Variants in PACRG observed in about 807,000 individuals in gnomAD.
PACRG encodes the protein parkin coregulated gene protein.
PACRG carries 29 observed loss-of-function variants against 29.7 expected under a neutral mutation model. The observed-to-expected ratio is 0.98, with a 90% confidence interval of 0.73 to 1.33. PACRG has a LOEUF of 1.33. Ranked by LOEUF, PACRG falls within the 40% of genes most tolerant of loss-of-function variation. PACRG has a pLI of 0.00. For synonymous variants in PACRG, 116 were observed against 118.7 expected, an observed-to-expected ratio of 0.98 and a Z score of 0.15; for missense variants, 279 against 316.2, an observed-to-expected ratio of 0.88 and a Z score of 0.89.
intron 2 of PACRG, among the ~76,000 whole-genome samples, chr6:163,056,626 G>T (rs1181382339): frequency 6.6e-6 from 1 of 152,058 alleles, no homozygotes; most frequent in African/African-American, 2.4e-5. Context: ...GTCAGGGAGG[G>T]GTACACACAC....
At position 162,759,654 on chromosome 6, in the gene PACRG, A is replaced by T. The variant is rs533290084; in HGVS notation, c.156+31263A>T. Among the ~76,000 whole-genome samples, 99 of 152,276 alleles carry T rather than the reference A, an allele frequency of 6.5e-4. 1 individual carries two copies. The highest frequency in any genetic ancestry group is 1.0e-3 in the Non-Finnish European group (68 of 68,014). ...GTCTGAATATACTTTGGGGTACAAGAGATGTGTATTCGTTGGCTATATAAA... is the reference window on the plus strand; with the variant it reads ...GTCTGAATATACTTTGGGGTACAAGTGATGTGTATTCGTTGGCTATATAAA... On this transcript the variant is annotated intron_variant, in intron 1 of 4. Transcript: ENST00000366888.
chr6:163,185,786 G>T (rs1242423998), intron 4 of PACRG, among the ~76,000 whole-genome samples: 1 of 152,152 alleles, frequency 6.6e-6, no homozygotes, highest in South Asian at 2.1e-4. Context: ...TCCGTGTAAT[G>T]TCCTGATCCT....
intron 4 of PACRG, among the ~76,000 whole-genome samples, chr6:163,151,218 G>C (rs6921357): frequency 0.17 from 25,357 of 152,152 alleles, 2,496 homozygotes; most frequent in African/African-American, 0.26. Flanking sequence ...TACTCCACTA[G>C]AATGAAACCT....
chr6:163,044,203 C>G (rs1809070450), intron 2 of PACRG, among the ~76,000 whole-genome samples: 1 of 149,560 alleles, frequency 6.7e-6, no homozygotes, highest in African/African-American at 2.5e-5. Flanking sequence ...GGGTCTCACT[C>G]TGTCACCCAG....
intron 2 of PACRG, among the ~76,000 whole-genome samples, chr6:162,967,103 CTG>C (rs1491301617): frequency 6.9e-6 from 1 of 144,102 alleles, no homozygotes; most frequent in Non-Finnish European, 1.5e-5. Context: ...GTGTTTTAAA[CTG>C]ATAATGCTCA....
At chr6:163,068,541 G>C (rs534191215) in intron 3 of PACRG, among the ~76,000 whole-genome samples, 2 of 149,502 alleles carry the variant, frequency 1.3e-5, no homozygotes, top group East Asian at 3.9e-4. Context: ...ATGTCTTTCT[G>C]CACTAAAAAC....
intron 1 of PACRG, among the ~76,000 whole-genome samples, chr6:162,795,120 ACACCTAGAGCAAGTTCCCTC>A: frequency 6.6e-6 from 1 of 151,870 alleles, no homozygotes; most frequent in Non-Finnish European, 1.5e-5. Context: ...GGCAGACACA[ACACCTAGAGCAAGTTCCCTC>A]CACTGGGAAT....
chr6:162,787,582 G>GTGTGTATATATATA (rs1198197561), intron 1 of PACRG, among the ~76,000 whole-genome samples: 7 of 62,402 alleles, frequency 1.1e-4, no homozygotes, highest in East Asian at 2.3e-3. Context: ...GTGTGTGTGT[G>GTGTGTATATATATA]TATATATATA....
At chr6:163,306,188 A>G (rs1397226561) in intron 4 of PACRG, among the ~76,000 whole-genome samples, 1 of 152,214 alleles carries the variant, frequency 6.6e-6, no homozygotes, top group Non-Finnish European at 1.5e-5. Flanking sequence ...AAATGACATT[A>G]TATTGTTGTT....
chr6:163,027,615 C>T (rs913864463), intron 2 of PACRG, among the ~76,000 whole-genome samples: 3 of 152,150 alleles, frequency 2.0e-5, no homozygotes, highest in Admixed American at 2.0e-4. Flanking sequence ...CTCAGAGCTA[C>T]AGGATATAAT....
At chr6:163,005,118 T>C (rs1320875811) in intron 2 of PACRG, among the ~76,000 whole-genome samples, 3 of 152,242 alleles carry the variant, frequency 2.0e-5, no homozygotes, top group South Asian at 2.1e-4. Context: ...TCTCTTATTA[T>C]ACTTTTAATG....
At chr6:163,292,373 T>C (rs903695315) in intron 4 of PACRG, among the ~76,000 whole-genome samples, 8 of 152,144 alleles carry the variant, frequency 5.3e-5, no homozygotes, top group African/African-American at 9.6e-5. Flanking sequence ...GGAGGAATTG[T>C]TATGGGAAAC....
intron 2 of PACRG, among the ~76,000 whole-genome samples, chr6:162,962,184 T>C (rs1330143543): frequency 1.3e-5 from 2 of 152,164 alleles, no homozygotes; most frequent in African/African-American, 4.8e-5. Flanking sequence ...AACTCTTCTC[T>C]CTGCCTCTGT....
intron 4 of PACRG, among the ~76,000 whole-genome samples, chr6:163,267,822 A>G (rs1562348055): frequency 6.6e-6 from 1 of 152,330 alleles, no homozygotes; most frequent in Non-Finnish European, 1.5e-5. Context: ...TTTCAAATAA[A>G]TGTAGTCTTT....
chr6:163,152,387 A>G (rs983589021), intron 4 of PACRG, among the ~76,000 whole-genome samples: 8 of 152,220 alleles, frequency 5.3e-5, no homozygotes, highest in Non-Finnish European at 1.2e-4. Flanking sequence ...TGAACTGATC[A>G]TTTGTTCTAA....
chr6:162,864,307 A>G (rs1021505860), intron 2 of PACRG, among the ~76,000 whole-genome samples: 1 of 152,198 alleles, frequency 6.6e-6, no homozygotes, highest in African/African-American at 2.4e-5. Flanking sequence ...ATTCTTAAAA[A>G]TCATTTTATT....
intron 4 of PACRG, among the ~76,000 whole-genome samples, chr6:163,218,996 G>T (rs1236270327): frequency 6.6e-6 from 1 of 152,206 alleles, no homozygotes; most frequent in East Asian, 1.9e-4. Context: ...CGCATAGAAG[G>T]TCCACAGTGC....
chr6:162,913,868 T>C (rs1467392235), intron 2 of PACRG, among the ~76,000 whole-genome samples: 1 of 152,216 alleles, frequency 6.6e-6, no homozygotes, highest in Non-Finnish European at 1.5e-5. Flanking sequence ...TTAGTGTGCT[T>C]ATATATCTTC....
At chr6:162,815,539 G>C (rs1787261021) in intron 2 of PACRG, among the ~76,000 whole-genome samples, 2 of 149,950 alleles carry the variant, frequency 1.3e-5, no homozygotes, top group Admixed American at 6.7e-5. Context: ...ATCCTTATTA[G>C]GAAACCTTAC....
Sources: allele counts gnomAD v4.1 joint callset (sites outside exome capture counted in the v4.1 genomes callset), GRCh38; gene constraint gnomAD v4.1.1; transcripts MANE v1.5; gene names NCBI Gene and HGNC (gene_info 2026-07-23, HGNC 2026-07-21).